Variants in COL4A2 observed in about 807,000 individuals in gnomAD.
COL4A2 encodes collagen type IV alpha 2 chain, also known as collagen alpha-2(IV) chain.
Under a neutral mutation model 200.2 loss-of-function variants are expected in COL4A2, and 99 were observed. The ratio of observed to expected loss-of-function variants is 0.49; its 90% confidence interval spans 0.42 to 0.58. The LOEUF (loss-of-function observed/expected upper bound fraction) is 0.58. Among genes scored for constraint, COL4A2 ranks in the 20% least tolerant of loss-of-function variants. COL4A2 has a pLI of 0.00. For synonymous variants in COL4A2, 897 were observed against 900.6 expected (o/e 1.00, Z 0.07); for missense variants, 1,950 against 2,314.1 (o/e 0.84, Z 3.23).
chr13:110,322,728 T>C (rs956283311), intron 3 of COL4A2, among the ~76,000 whole-genome samples: 1 of 152,222 alleles, frequency 6.6e-6, no homozygotes, highest in Non-Finnish European at 1.5e-5. Flanking sequence ...CCTTCTTCCC[T>C]GCTAGACTTC....
chr13:110,482,606 G>C lies in COL4A2; in HGVS notation c.2849G>C (p.Gly950Ala). Reference protein sequence around the residue: ...PGFPGSKGEAGFFGIPGLKGL... With the variant: ...PGFPGSKGEAAFFGIPGLKGL... ...TTTCCAGGGAGCAAAGGCGAGGCTG[G>C]ATTTTTCGGAATACCCGGTCTGAAG... is the stretch of plus-strand genomic sequence containing the variant. The change falls in exon 32 of 48, where the codon GGA becomes GCA. Residue 950 changes from glycine to alanine, a missense_variant. Gly to Ala is a moderately conservative substitution (Grantham distance 60). Coordinates refer to ENST00000360467, the MANE Select transcript of COL4A2 (RefSeq NM_001846.4). 6.2e-7 allele frequency: 1 copy of C among 1,614,142 alleles called. No individual in the cohort carries two copies. Among genetic ancestry groups the C allele is most frequent in the Non-Finnish European group, 8.5e-7 (1 of 1,180,038 alleles).
At chr13:110,474,154 T>C (rs4773191) in intron 29 of COL4A2, among the ~76,000 whole-genome samples, 64,567 of 151,594 alleles carry the variant, frequency 0.43, 13,794 homozygotes, top group Middle Eastern at 0.52. Context: ...AAAGAAAATG[T>C]GGGTTAAAAC....
In COL4A2 at chr13:110,460,674, A is replaced by G. The variant is rs185603140; in HGVS notation, c.1597-1440A>G. Among the ~76,000 whole-genome samples the G allele has an allele frequency of 1.7e-4, 26 of 152,320 alleles. 1 individual carries two copies. The East Asian group carries it at 2.1e-3, about 12-fold the overall frequency. On this transcript the variant is annotated intron_variant, in intron 22 of 47. Coordinates refer to ENST00000360467, the MANE Select transcript of COL4A2 (RefSeq NM_001846.4). ...ATTGTGTGTATGGAAACCACACTGA[A>G]GTGGGAATACCTGAGACCATTTGGG...
At chr13:110,334,579 A>T (rs969392636) in intron 3 of COL4A2, among the ~76,000 whole-genome samples, 1 of 152,202 alleles carries the variant, frequency 6.6e-6, no homozygotes, top group Non-Finnish European at 1.5e-5. Context: ...GTCATGGCAC[A>T]CTCATTCAAG....
intron 40 of COL4A2, among the ~76,000 whole-genome samples, chr13:110,500,744 T>G (rs546546943): frequency 5.5e-4 from 83 of 152,242 alleles, no homozygotes; most frequent in Non-Finnish European, 1.1e-3. Context: ...GTATATAAGC[T>G]GGTTTTCTGT....
chr13:110,495,750 G>A (rs1314051486), intron 40 of COL4A2, among the ~76,000 whole-genome samples: 1 of 152,192 alleles, frequency 6.6e-6, no homozygotes, highest in Non-Finnish European at 1.5e-5. Context: ...CTGTGCGCCT[G>A]GGGCACTGGC....
intron 30 of COL4A2, 53 bp downstream of exon 30, chr13:110,478,217 G>A: frequency 1.4e-6 from 2 of 1,450,184 alleles, no homozygotes; most frequent in South Asian, 1.4e-5. Context: ...GTCCTGCCAA[G>A]AGAATGAGCA....
intron 3 of COL4A2, among the ~76,000 whole-genome samples, chr13:110,310,398 G>A (rs917384356): frequency 2.6e-5 from 4 of 152,204 alleles, no homozygotes; most frequent in African/African-American, 7.2e-5. Context: ...CTACAGTATT[G>A]GGTTGAGAGG....
chr13:110,490,027 G>A (rs1295054640), intron 36 of COL4A2, among the ~76,000 whole-genome samples: 1 of 152,172 alleles, frequency 6.6e-6, no homozygotes, highest in African/African-American at 2.4e-5. Context: ...AGCCAGAATG[G>A]ACCCTCGGTG....
chr13:110,355,497 C>T (rs1290457620), intron 3 of COL4A2, among the ~76,000 whole-genome samples: 55 of 70,364 alleles, frequency 7.8e-4, no homozygotes, highest in African/African-American at 1.5e-3. Flanking sequence ...GGGAGGGCTG[C>T]ACTAGCTCAC....
At chr13:110,421,487 A>G (rs775904728) in intron 4 of COL4A2, among the ~76,000 whole-genome samples, 28 of 152,246 alleles carry the variant, frequency 1.8e-4, no homozygotes, top group Non-Finnish European at 2.9e-4. Context: ...AAAGTCACAC[A>G]TCGTATGACT....
At position 110,407,497 on chromosome 13, in the gene COL4A2, T is replaced by C. The variant is rs9301452; in HGVS notation, c.181-17237T>C. Among the ~76,000 whole-genome samples the C allele has an allele frequency of 7.2e-3, 1,092 of 152,312 alleles. 10 individuals carry two copies. The highest frequency in any genetic ancestry group is 0.023 in the African/African-American group (965 of 41,574). ...AGCACCAGGAGGCCTGGGCATCACA[T>C]CCACCGACCCGAGTTTCACTCTGCA... On this transcript the variant is annotated intron_variant, in intron 4 of 47. Coordinates refer to ENST00000360467, the MANE Select transcript of COL4A2 (RefSeq NM_001846.4).
intron 47 of COL4A2, 119 bp from the exon 48 acceptor site, chr13:110,511,815 A>G (rs377362213): frequency 2.0e-6 from 3 of 1,505,840 alleles, no homozygotes; most frequent in African/African-American, 1.4e-5. Flanking sequence ...TCATGTCCGT[A>G]TTGACACTCA....
chr13:110,324,109 T>G (rs1885345225), intron 3 of COL4A2, among the ~76,000 whole-genome samples: 1 of 117,166 alleles, frequency 8.5e-6, no homozygotes, highest in Admixed American at 8.0e-5. Flanking sequence ...AATAGCATGG[T>G]TTTTTTTTTT....
chr13:110,398,528 T>G (rs2139428716), intron 4 of COL4A2, among the ~76,000 whole-genome samples: 1 of 152,120 alleles, frequency 6.6e-6, no homozygotes, highest in East Asian at 1.9e-4. Context: ...AGTGTTTTGT[T>G]TTTAGTTTAG....
At chr13:110,467,625 C>G (rs901559171) in intron 27 of COL4A2, among the ~76,000 whole-genome samples, 4 of 152,368 alleles carry the variant, frequency 2.6e-5, no homozygotes, top group African/African-American at 4.8e-5. Flanking sequence ...TTCACAGAGC[C>G]CATGCCTAAG....
intron 4 of COL4A2, among the ~76,000 whole-genome samples, chr13:110,386,361 A>G (rs1878749927): frequency 6.6e-6 from 1 of 152,224 alleles, no homozygotes; most frequent in Non-Finnish European, 1.5e-5. Flanking sequence ...ACTTTGTAAG[A>G]AGAGAGACTC....
intron 24 of COL4A2, chr13:110,463,176 C>G (rs765353895): frequency 1.3e-5 from 2 of 153,856 alleles, no homozygotes; most frequent in African/African-American, 2.4e-5. Context: ...TGAGACAGTG[C>G]GGGAGGATCT....
rs1210013992 is a variant in COL4A2 at position 110,473,909 on chromosome 13, G to A, written c.2425+759G>A. Reference sequence around the variant, plus strand: ...GGAGGCCAAGGTAAGAGGATTGATTGAGCCGAGGGGTTCAAAACCATCCTG... The same window carrying A: ...GGAGGCCAAGGTAAGAGGATTGATTAAGCCGAGGGGTTCAAAACCATCCTG... On this transcript the variant is annotated intron_variant, in intron 29 of 47. Transcript: ENST00000360467. 2.6e-5 allele frequency among the ~76,000 whole-genome samples: 4 copies of A among 152,162 alleles called. No individual in the cohort carries two copies. The East Asian group carries it at 7.8e-4, about 29-fold the overall frequency.
Sources: allele counts gnomAD v4.1 joint callset (sites outside exome capture counted in the v4.1 genomes callset), GRCh38; gene constraint gnomAD v4.1.1; transcripts MANE v1.5; gene names NCBI Gene and HGNC (gene_info 2026-07-23, HGNC 2026-07-21).